Variants in DTNA observed in about 807,000 individuals in gnomAD.
The protein encoded by DTNA is dystrophin-related protein 3.
In DTNA, 43 loss-of-function variants were observed where a neutral mutation model predicts 100.7. That is an observed-to-expected ratio of 0.43 (90% confidence interval 0.33 to 0.55). The LOEUF is 0.55. DTNA is among the 20% of genes least tolerant of loss of function. The pLI, the probability that DTNA is intolerant of heterozygous loss-of-function variation, is 0.04. For missense variants in DTNA, 798 were observed against 953.9 expected (o/e 0.84, Z 2.15); for synonymous variants, 349 against 347.9 (o/e 1.00, Z -0.04).
chr18:34,849,479 T>C (rs191966492), intron 14 of DTNA, among the ~76,000 whole-genome samples: 19 of 152,334 alleles, frequency 1.2e-4, no homozygotes, highest in African/African-American at 4.6e-4. Flanking sequence ...TTCTTTGAGT[T>C]CAGTCTCCTC....
intron 9 of DTNA, among the ~76,000 whole-genome samples, chr18:34,824,177 T>C (rs1416571560): frequency 6.6e-6 from 1 of 152,192 alleles, no homozygotes; most frequent in Non-Finnish European, 1.5e-5. Context: ...TGTTTAATGA[T>C]TGTGTTAAAA....
At chr18:34,826,386 T>TG (rs562232403) in intron 9 of DTNA, among the ~76,000 whole-genome samples, 2 of 152,112 alleles carry the variant, frequency 1.3e-5, no homozygotes, top group Non-Finnish European at 2.9e-5. Flanking sequence ...CCCAGAGACT[T>TG]ATTCTAAGTC....
intron 1 of DTNA, among the ~76,000 whole-genome samples, chr18:34,717,835 G>A (rs2084362561): frequency 6.6e-6 from 1 of 152,160 alleles, no homozygotes; most frequent in Non-Finnish European, 1.5e-5. Flanking sequence ...GGGAAAACCA[G>A]GGAGAGATGA....
chr18:34,608,780 A>C (rs2053628993), intron 1 of DTNA, among the ~76,000 whole-genome samples: 1 of 152,182 alleles, frequency 6.6e-6, no homozygotes, highest in Non-Finnish European at 1.5e-5. Flanking sequence ...GTTTAAACAT[A>C]TAGATCTTTC....
At position 34,867,454 on chromosome 18, in the gene DTNA, G is replaced by T. The variant is rs2096718038; in HGVS notation, c.1743+3392G>T. The T allele has an allele frequency of 2.5e-6, 3 of 1,222,788 alleles. No individual in the cohort carries two copies. In the South Asian group the frequency reaches 1.3e-4, roughly 52 times the overall value. 75.7% of individuals were successfully genotyped at this position (1,222,788 alleles called of 1,614,324 possible). Reference sequence around the variant, plus strand: ...ACAGCCTGTATAATTGCCCATGAATGCATACATGGGGTATTGCTATTGTAT... The same window carrying T: ...ACAGCCTGTATAATTGCCCATGAATTCATACATGGGGTATTGCTATTGTAT... On this transcript the variant is annotated intron_variant, in intron 17 of 22. Transcript: ENST00000444659.
chr18:34,875,304 C>T lies in DTNA; in HGVS notation c.1809C>T (p.Pro603=). 1 of 1,614,206 alleles carries T rather than the reference C, an allele frequency of 6.2e-7. No individual in the cohort carries two copies. Among genetic ancestry groups the T allele is most frequent in the Non-Finnish European group, 8.5e-7 (1 of 1,180,044 alleles). Residue 603 remains proline (P), a synonymous_variant, in exon 18 of 23, where the codon CCC becomes CCT. Coordinates refer to ENST00000444659, the MANE Select transcript of DTNA (RefSeq NM_001386795.1). ...CCATCAGCAGGCCAATTCCCATGCCCATCCGGTCAGCGTCAGCCTGCTCCA... is the reference window on the plus strand; with the variant it reads ...CCATCAGCAGGCCAATTCCCATGCCTATCCGGTCAGCGTCAGCCTGCTCCA... ...SHTISRPIPM[P]IRSASACSTP...
intron 1 of DTNA, among the ~76,000 whole-genome samples, chr18:34,504,416 T>A (rs577277030): frequency 2.0e-5 from 3 of 152,188 alleles, no homozygotes; most frequent in Non-Finnish European, 4.4e-5. Flanking sequence ...TTATTCATAT[T>A]TTTTGCTTAC....
At chr18:34,771,110 A>T (rs1024651850) in intron 3 of DTNA, among the ~76,000 whole-genome samples, 2 of 152,102 alleles carry the variant, frequency 1.3e-5, no homozygotes, top group African/African-American at 4.8e-5. Context: ...ATGTTGTGTA[A>T]ATTCTTTTTC....
At chr18:34,882,854 G>A (rs921360049) in intron 21 of DTNA, among the ~76,000 whole-genome samples, 1 of 152,158 alleles carries the variant, frequency 6.6e-6, no homozygotes, top group African/African-American at 2.4e-5. Flanking sequence ...AATTGAATAA[G>A]CATAAACCCA....
intron 1 of DTNA, among the ~76,000 whole-genome samples, chr18:34,497,764 A>G (rs35839923): frequency 0.091 from 13,842 of 152,240 alleles, 765 homozygotes; most frequent in Non-Finnish European, 0.12. Flanking sequence ...AAAAATATAC[A>G]AAACATGAAG....
chr18:34,612,397 G>A (rs2054400098), intron 1 of DTNA, among the ~76,000 whole-genome samples: 1 of 152,104 alleles, frequency 6.6e-6, no homozygotes, highest in Non-Finnish European at 1.5e-5. Context: ...GGTCTCCCAG[G>A]CCCCCAGGGA....
chr18:34,628,118 C>A (rs1166708263), intron 1 of DTNA, among the ~76,000 whole-genome samples: 1 of 152,126 alleles, frequency 6.6e-6, no homozygotes, highest in Non-Finnish European at 1.5e-5. Flanking sequence ...GAATTCTAAT[C>A]CTTAAGAAGA....
At chr18:34,685,200 A>G (rs1303323140) in intron 1 of DTNA, among the ~76,000 whole-genome samples, 3 of 152,172 alleles carry the variant, frequency 2.0e-5, no homozygotes, top group Non-Finnish European at 4.4e-5. Flanking sequence ...TGTTTTAGTC[A>G]TGAAGTCTTT....
Position 34,748,322 on chromosome 18 carries a change from T to C in DTNA, c.-1-7654T>C, listed in dbSNP as rs149192693. Among the ~76,000 whole-genome samples, 397 of 152,262 alleles carry C rather than the reference T, an allele frequency of 2.6e-3. 1 individual carries two copies. The highest frequency in any genetic ancestry group is 9.0e-3 in the African/African-American group (376 of 41,578). On this transcript the variant is annotated intron_variant, in intron 1 of 22. Transcript: ENST00000444659. ...AGCTTTCTAGTTTAATTAGGCCTCATTTATTTATTTTTGTTCTTGTCACAT... is the reference window on the plus strand; with the variant it reads ...AGCTTTCTAGTTTAATTAGGCCTCACTTATTTATTTTTGTTCTTGTCACAT...
chr18:34,693,308 G>T (rs1426944404), intron 1 of DTNA, among the ~76,000 whole-genome samples: 1 of 152,088 alleles, frequency 6.6e-6, no homozygotes, highest in African/African-American at 2.4e-5. Flanking sequence ...ATATCATAGA[G>T]TCATAGAATA....
chr18:34,733,400 G>A (rs2088785549), intron 1 of DTNA, among the ~76,000 whole-genome samples: 1 of 152,134 alleles, frequency 6.6e-6, no homozygotes, highest in Non-Finnish European at 1.5e-5. Context: ...TAGGAACACC[G>A]TGATTAATTA....
At chr18:34,628,486 C>T (rs1283074841) in intron 1 of DTNA, among the ~76,000 whole-genome samples, 1 of 152,188 alleles carries the variant, frequency 6.6e-6, no homozygotes, top group Non-Finnish European at 1.5e-5. Context: ...ACTCATATCC[C>T]TTGGCCTGTA....
intron 1 of DTNA, among the ~76,000 whole-genome samples, chr18:34,733,419 C>T (rs2088792002): frequency 6.6e-6 from 1 of 152,206 alleles, no homozygotes; most frequent in African/African-American, 2.4e-5. Context: ...TAGCCAATGC[C>T]AGAGTGCTAC....
At chr18:34,862,208 T>C (rs1249676057) in intron 16 of DTNA, among the ~76,000 whole-genome samples, 1 of 150,854 alleles carries the variant, frequency 6.6e-6, no homozygotes, top group Non-Finnish European at 1.5e-5. Context: ...GGCAAGGCTT[T>C]TGAAATTAGA....
Sources: gnomAD v4.1 joint callset for allele counts (sites outside exome capture counted in the v4.1 genomes callset) on GRCh38, gnomAD v4.1.1 for gene constraint, MANE v1.5 for transcripts, NCBI Gene and HGNC (gene_info 2026-07-23, HGNC 2026-07-21) for gene names.